The following NLRP12 variants were observed in gnomAD, a reference collection of about 807,000 sequenced individuals.
NLRP12 encodes NACHT, LRR and PYD domains-containing protein 12.
NLRP12 carries 108 observed loss-of-function variants against 91.2 expected under a neutral mutation model. The observed-to-expected ratio is 1.18, with a 90% CI of 1.01 to 1.39. The LOEUF is 1.39. NLRP12 is among the 40% of genes most tolerant of loss of function. The pLI is 0.00. For missense variants in NLRP12, 1,530 were observed against 1,352.7 expected (o/e 1.13, Z -2.06); for synonymous variants, 613 against 566.7 (o/e 1.08, Z -1.16).
chr19:53,823,380 T>TTAAA (rs2092289501), intron 1 of NLRP12, among the ~76,000 whole-genome samples: 1 of 130,412 alleles, frequency 7.7e-6, no homozygotes, highest in African/African-American at 2.9e-5. Flanking sequence ...ATAATATAAT[T>TTAAA]ATATACATAT....
At chr19:53,809,537 A>AAAAAC (rs1555795526) in intron 3 of NLRP12, 50 bp downstream of exon 3, 6 of 1,468,480 alleles carry the variant, frequency 4.1e-6, no homozygotes, top group Non-Finnish European at 5.5e-6. Context: ...AAAAAAAAAA[A>AAAAAC]AAAACACACG....
At chr19:53,807,306 G>T (rs1226228282) in intron 4 of NLRP12, among the ~76,000 whole-genome samples, 189 bp downstream of exon 4, 3 of 152,152 alleles carry the variant, frequency 2.0e-5, no homozygotes, top group African/African-American at 7.2e-5. Context: ...GACCTCAAGT[G>T]ATCTGCCCGC....
chr19:53,813,687 T>C (rs2092115496), intron 2 of NLRP12, among the ~76,000 whole-genome samples: 1 of 151,634 alleles, frequency 6.6e-6, no homozygotes, highest in East Asian at 2.0e-4. Context: ...TTTGTACCCC[T>C]CTCCCGCCTT....
At chr19:53,798,847 T>C (rs1476472979) in intron 7 of NLRP12, among the ~76,000 whole-genome samples, 2 of 152,020 alleles carry the variant, frequency 1.3e-5, no homozygotes, top group Admixed American at 6.6e-5. Context: ...GCTCAAGCGA[T>C]TCTCCTGCCT....
intron 1 of NLRP12, among the ~76,000 whole-genome samples, chr19:53,822,540 G>C (rs2092275794): frequency 6.6e-6 from 1 of 151,802 alleles, no homozygotes; most frequent in South Asian, 2.1e-4. Flanking sequence ...AGACCAGCCT[G>C]GCCAAGATAG....
intron 7 of NLRP12, among the ~76,000 whole-genome samples, chr19:53,799,104 C>A (rs2122541334): frequency 6.6e-6 from 1 of 151,178 alleles, no homozygotes; most frequent in African/African-American, 2.4e-5. Flanking sequence ...CCTCCGCCTC[C>A]TGGGTTCAAG....
chr19:53,795,769 A>G (rs2091744863), intron 9 of NLRP12, 90 bp downstream of exon 9: 3 of 1,145,578 alleles, frequency 2.6e-6, no homozygotes, highest in Admixed American at 1.9e-5. Flanking sequence ...ACACCAGTGC[A>G]TAACGTATTT....
chr19:53,798,120 T>A, intron 8 of NLRP12, 123 bp downstream of exon 8: 3 of 1,119,084 alleles, frequency 2.7e-6, no homozygotes, highest in Non-Finnish European at 4.1e-6. Context: ...TCCACCTCTC[T>A]TCTTGCTACC....
chr19:53,794,162 T>G (rs572396448), intron 9 of NLRP12, 26 bp from the exon 10 acceptor site: 1 of 1,433,566 alleles, frequency 7.0e-7, no homozygotes, highest in South Asian at 1.1e-5. Context: ...TTGATATTAT[T>G]CCAGTGTACT....
chr19:53,796,023 A>T lies in NLRP12; in HGVS notation c.2934T>A (p.Asp978Glu). ...AAGCCTTGGCTGTGAGGCCACAGCT[A>T]TCCAGCCTGGTGAAGATAAGGAGTT... Reference protein sequence around the residue: ...PACRLQKLWLDSCGLTAKACE... With the variant: ...PACRLQKLWLESCGLTAKACE... Residue 978 changes from aspartate (D) to glutamate (E), a missense_variant, in exon 9 of 10, where the codon GAT (aspartate) becomes GAA (glutamate). Physicochemically the swap from Asp to Glu is conservative, Grantham distance 45. Transcript: ENST00000324134. 1 of 1,614,090 alleles carries T rather than the reference A, an allele frequency of 6.2e-7. No individual in the cohort carries two copies.
rs1345613811 is a variant in NLRP12, at chr19:53,794,054, A to C, written c.3181T>G (p.Cys1061Gly). Residue 1061 changes from cysteine (C) to glycine (G), a missense_variant, in exon 10 of 10, where the codon TGC (cysteine) becomes GGC (glycine). Coordinates refer to ENST00000324134, the MANE Select transcript of NLRP12 (RefSeq NM_144687.4). Reference sequence around the variant, plus strand: ...GAGCCAGCAGATAGGACCATTCAGCAGCCAATGTCCAAATAAGGTTTTGTT... The same window carrying C: ...GAGCCAGCAGATAGGACCATTCAGCCGCCAATGTCCAAATAAGGTTTTGTT... ...RVTKPYLDIG[C>G] is the part of the protein sequence containing the mutation. 3.2e-5 allele frequency: 51 copies of C among 1,612,078 alleles called. No homozygotes were observed. The highest frequency in any genetic ancestry group is 4.2e-5 in the Non-Finnish European group (50 of 1,178,258).
chr19:53,795,829 C>A (rs918915309), intron 9 of NLRP12, 30 bp downstream of exon 9: 2 of 1,610,164 alleles, frequency 1.2e-6, no homozygotes, highest in Non-Finnish European at 1.7e-6. Flanking sequence ...GTCCAGCCTC[C>A]TCCAGAAAGA....
intron 5 of NLRP12, among the ~76,000 whole-genome samples, chr19:53,804,340 C>T (rs933295844): frequency 8.6e-5 from 13 of 151,694 alleles, no homozygotes; most frequent in Non-Finnish European, 2.9e-5. Flanking sequence ...TACATGTGTG[C>T]ACCACCACAC....
chr19:53,812,856 C>T (rs982599009), intron 2 of NLRP12, among the ~76,000 whole-genome samples: 3 of 150,956 alleles, frequency 2.0e-5, no homozygotes, highest in Non-Finnish European at 2.9e-5. Context: ...ACTAAGTTCA[C>T]GATGTTGTGC....
Position 53,805,321 on chromosome 19 carries a change from G to A in NLRP12, c.2373C>T (p.Cys791=), listed in dbSNP as rs978653815. 12 of 1,614,030 alleles carry A rather than the reference G, an allele frequency of 7.4e-6. No homozygotes were observed. The highest frequency in any genetic ancestry group is 2.2e-5 in the East Asian group (1 of 44,850). Residue 791 remains cysteine, a synonymous_variant, in exon 5 of 10, where the codon TGC becomes TGT. Transcript: ENST00000324134. The part of the protein sequence containing the change: ...GVGFPGMMLL[C]EGLRHPQCRL... The stretch of plus-strand genomic sequence containing the variant: ...TGCACTGGGGATGCCGCAGGCCCTC[G>A]CAAAGCAGCATCATGCCTGGGAATC...
chr19:53,795,940 G>C lies in NLRP12; in HGVS notation c.3017C>G (p.Thr1006Ser). 1.2e-6 allele frequency: 2 copies of C among 1,614,144 alleles called. No homozygotes were observed. The highest frequency in any genetic ancestry group is 1.7e-6 in the Non-Finnish European group (2 of 1,180,028). ...INQTLTDLYL[T>S]NNALGDTGVR... ...ACCTGTGTCCCCTAGGGCGTTGTTG[G>C]TCAGGTAAAGGTCGGTCAAGGTCTG... Residue 1006 changes from threonine to serine, a missense_variant, in exon 9 of 10, where the codon ACC (threonine) becomes AGC (serine). Physicochemically the swap from Thr to Ser is moderately conservative, Grantham distance 58 (BLOSUM62 1). Transcript: ENST00000324134.
At position 53,823,965 on chromosome 19, in the gene NLRP12, C is replaced by T. The variant is rs146793418; in HGVS notation, c.210G>A (p.Trp70Ter). 53 of 1,614,086 alleles carry T rather than the reference C, an allele frequency of 3.3e-5. No homozygotes were observed. In the African/African-American group the frequency reaches 6.4e-4, roughly 20 times the overall value. Residue 70 changes from tryptophan to a stop codon, truncating the protein, a stop_gained, in exon 1 of 10, where the codon TGG (tryptophan) becomes TGA (stop). Transcript: ENST00000324134. LOFTEE classifies it high-confidence loss of function. Reference sequence around the variant, plus strand: ...GCTCAAAGGTGCTGAGAGCCAACCTCCAGGCCTCCTCTGGCCCGAAGTGGG... The same window carrying T: ...GCTCAAAGGTGCTGAGAGCCAACCTTCAGGCCTCCTCTGGCCCGAAGTGGG... ...LITHFGPEEA[W>*]RLALSTFERI...
In NLRP12 at chr19:53,823,881, C is replaced by T; in HGVS notation, c.289+5G>A. On this transcript the variant is annotated splice_donor_5th_base_variant and intron_variant, in intron 1 of 9. Coordinates refer to ENST00000324134, the MANE Select transcript of NLRP12 (RefSeq NM_144687.4). Reference sequence around the variant, plus strand: ...CTAGCCTTGCCTGTCCCGCCACCTCCTTACCCCTCACCAGGTCCTCTCTCT... The same window carrying T: ...CTAGCCTTGCCTGTCCCGCCACCTCTTTACCCCTCACCAGGTCCTCTCTCT... The T allele has an allele frequency of 6.2e-7, 1 of 1,613,892 alleles. No individual in the cohort carries two copies. The highest frequency in any genetic ancestry group is 2.2e-5 in the East Asian group (1 of 44,862).
chr19:53,809,548 A>T, intron 3 of NLRP12, 39 bp downstream of exon 3: 2 of 1,491,036 alleles, frequency 1.3e-6, no homozygotes, highest in Non-Finnish European at 1.8e-6. Context: ...AAAACACACG[A>T]ACCTAAGCAG....
Sources: gnomAD v4.1 joint callset for allele counts (sites outside exome capture counted in the v4.1 genomes callset) on GRCh38, gnomAD v4.1.1 for gene constraint, MANE v1.5 for transcripts, NCBI Gene and HGNC (gene_info 2026-07-23, HGNC 2026-07-21) for gene names.